Variants in APBB2 observed in about 807,000 individuals in gnomAD.
APBB2 encodes the protein amyloid beta precursor protein binding family B member 2.
In APBB2, 38 loss-of-function variants were observed where a neutral mutation model predicts 82.5. That is an observed-to-expected ratio of 0.46 (90% CI 0.36 to 0.60). APBB2 has a LOEUF of 0.60. Ranked by LOEUF, APBB2 falls within the 20% of genes least tolerant of loss-of-function variation. The pLI is 0.00. For missense variants in APBB2, 772 were observed against 972.3 expected, an observed-to-expected ratio of 0.79 and a Z score of 2.74; for synonymous variants, 341 against 368.2, an observed-to-expected ratio of 0.93 and a Z score of 0.85.
intron 10 of APBB2, among the ~76,000 whole-genome samples, chr4:40,926,461 T>A (rs1369066324): frequency 6.6e-6 from 1 of 152,200 alleles, no homozygotes; most frequent in Non-Finnish European, 1.5e-5. Flanking sequence ...TTTTTTTTTT[T>A]TTGAGATGGA....
chr4:40,949,984 C>T (rs1239145144), intron 6 of APBB2, among the ~76,000 whole-genome samples: 1 of 152,152 alleles, frequency 6.6e-6, no homozygotes, highest in Non-Finnish European at 1.5e-5. Context: ...GCCTAAAACG[C>T]ACCGTGGGAA....
rs1276259648 is a variant in APBB2, at chr4:40,982,392, A to AAGGAAGG, written c.835+31190_835+31191insCCTTCCT. Among the ~76,000 whole-genome samples, 75 of 17,008 alleles carry AAGGAAGG rather than the reference A, an allele frequency of 4.4e-3. 5 individuals are homozygous for AAGGAAGG. The highest frequency in any genetic ancestry group is 0.027 in the East Asian group (11 of 410). 11.2% of individuals were successfully genotyped at this position (17,008 alleles called of 152,430 possible). On this transcript the variant is annotated intron_variant, in intron 6 of 17. Transcript: ENST00000508593. ...GAAGGAAGGAAGGAAGGAAGGAAGG[A>AAGGAAGG]AAGGAAAGGAAAGAAAGAAAGAAAG...
intron 12 of APBB2, chr4:40,857,196 C>G: frequency 6.1e-6 from 6 of 985,252 alleles, no homozygotes; most frequent in Non-Finnish European, 7.2e-6. Context: ...CCTCCCTGCC[C>G]CGCCCGCCGC....
At chr4:41,184,978 C>T (rs909233660) in intron 1 of APBB2, among the ~76,000 whole-genome samples, 1 of 152,232 alleles carries the variant, frequency 6.6e-6, no homozygotes, top group African/African-American at 2.4e-5. Context: ...TCCATTTCAG[C>T]GTCCGCCTGT....
At chr4:40,873,048 A>G (rs1367047272) in intron 12 of APBB2, among the ~76,000 whole-genome samples, 2 of 149,892 alleles carry the variant, frequency 1.3e-5, no homozygotes, top group African/African-American at 4.9e-5. Context: ...AGATCATGCC[A>G]CTGTACTCCA....
chr4:40,866,166 G>C (rs764545557), intron 12 of APBB2, among the ~76,000 whole-genome samples: 2 of 152,210 alleles, frequency 1.3e-5, no homozygotes, highest in Admixed American at 1.3e-4. Context: ...AATGATTACA[G>C]CGGCTTTATT....
chr4:40,823,589 G>GTA, intron 16 of APBB2, 55 bp downstream of exon 16: 2 of 1,265,658 alleles, frequency 1.6e-6, no homozygotes, highest in Non-Finnish European at 2.3e-6. Flanking sequence ...GAAAACCACT[G>GTA]TATCTTATAC....
At chr4:40,967,138 C>G (rs1387491058) in intron 6 of APBB2, among the ~76,000 whole-genome samples, 1 of 152,142 alleles carries the variant, frequency 6.6e-6, no homozygotes, top group African/African-American at 2.4e-5. Flanking sequence ...CTGCTGAGAG[C>G]TGGGCAGACA....
chr4:40,826,065 G>A lies in APBB2; in HGVS notation c.1733-95C>T, dbSNP rs1269099252. ...TGCATCATCTGAATGCTCAGGACAC[G>A]CCCTGTGCCATAACGCCCTATGTTT... On this transcript the variant is annotated intron_variant, in intron 14 of 17. Transcript: ENST00000508593. This position sits in a 1 kb window ranked among gnomAD's most constrained non-coding sequence, Gnocchi z 4.5. 1.9e-5 allele frequency: 17 copies of A among 905,556 alleles called. No individual in the cohort carries two copies. The highest frequency in any genetic ancestry group is 3.0e-5 in the Non-Finnish European group (16 of 537,782). The allele number at this position is 905,556 out of a possible 1,614,324, so 56.1% of individuals were successfully genotyped here.
intron 1 of APBB2, among the ~76,000 whole-genome samples, chr4:41,161,165 C>A (rs1765038281): frequency 8.1e-6 from 1 of 123,764 alleles, no homozygotes; most frequent in South Asian, 2.6e-4. Flanking sequence ...GATCCTCTTC[C>A]CTGGCAAAAA....
At chr4:41,150,832 C>T (rs1360165682) in intron 1 of APBB2, among the ~76,000 whole-genome samples, 1 of 152,296 alleles carries the variant, frequency 6.6e-6, no homozygotes, top group Non-Finnish European at 1.5e-5. Context: ...CCTCCACCTA[C>T]CAGGTTCAAG....
chr4:41,205,461 A>G (rs986031223), intron 1 of APBB2, among the ~76,000 whole-genome samples: 27 of 152,336 alleles, frequency 1.8e-4, no homozygotes, highest in Non-Finnish European at 5.9e-5. Flanking sequence ...CCTCTAGGGA[A>G]AAGCTCATTA....
At chr4:41,013,507 C>A (rs1268619758) in intron 6 of APBB2, 76 bp downstream of exon 6, 5 of 1,404,276 alleles carry the variant, frequency 3.6e-6, no homozygotes, top group Non-Finnish European at 3.0e-6. Context: ...TTTGGTCAGT[C>A]TAGAGATTTA....
rs1268123756 is a variant in APBB2 at position 40,810,750 on chromosome 4, A to G, written c.*5342T>C. 6.6e-6 allele frequency: 1 copy of G among 152,198 alleles called. No individual in the cohort carries two copies. The highest frequency in any genetic ancestry group is 1.5e-5 in the Non-Finnish European group (1 of 68,038). The allele number at this position is 152,198 out of a possible 1,614,324, so 9.4% of individuals were successfully genotyped here. On this transcript the variant is annotated 3_prime_UTR_variant, in exon 18 of 18. Coordinates refer to ENST00000508593, the MANE Select transcript of APBB2 (RefSeq NM_004307.2). ...ATTTTGCTGATTTTGAAAATCAAAC[A>G]CTATCTCCTTGCCCTAAAATTATAG... is the stretch of plus-strand genomic sequence containing the variant.
Position 40,856,794 on chromosome 4 carries a change from C to T in APBB2, c.1530-26217G>A, listed in dbSNP as rs539573627. Among the ~76,000 whole-genome samples the T allele has an allele frequency of 2.6e-5, 4 of 152,358 alleles. No individual in the cohort carries two copies. In the East Asian group the frequency reaches 7.7e-4, roughly 29 times the overall value. ...CGCCTCCCCCCCATTTCATACAAGC[C>T]TCACTCCTTCTTCCCACCGGCGGGG... On this transcript the variant is annotated intron_variant, in intron 12 of 17. Coordinates refer to ENST00000508593, the MANE Select transcript of APBB2 (RefSeq NM_004307.2).
chr4:41,180,783 T>G (rs545376604), intron 1 of APBB2, among the ~76,000 whole-genome samples: 102 of 152,300 alleles, frequency 6.7e-4, no homozygotes, highest in African/African-American at 2.4e-3. Flanking sequence ...GGGAATGATT[T>G]ACAAATCCTA....
chr4:41,057,412 T>C (rs540533377), intron 4 of APBB2, among the ~76,000 whole-genome samples: 3 of 152,280 alleles, frequency 2.0e-5, no homozygotes, highest in Non-Finnish European at 2.9e-5. Context: ...GATAGCGCTA[T>C]TGCACTCCAG....
intron 4 of APBB2, among the ~76,000 whole-genome samples, chr4:41,065,229 G>A (rs1731298171): frequency 1.3e-5 from 2 of 151,998 alleles, no homozygotes; most frequent in African/African-American, 4.8e-5. Flanking sequence ...AAGCTACAGT[G>A]AGCTGTGTTC....
intron 12 of APBB2, among the ~76,000 whole-genome samples, chr4:40,838,406 A>G (rs10005377): frequency 0.82 from 120,840 of 146,540 alleles, 50,058 homozygotes; most frequent in African/African-American, 0.89. Context: ...TGTGATCTCG[A>G]CTCACTGCAA....
Sources: allele counts gnomAD v4.1 joint callset (sites outside exome capture counted in the v4.1 genomes callset), GRCh38; gene constraint gnomAD v4.1.1; non-coding constraint Gnocchi (gnomAD v3.1); transcripts MANE v1.5; gene names NCBI Gene and HGNC (gene_info 2026-07-23, HGNC 2026-07-21).